Variants in ABTB2 observed in about 807,000 individuals in gnomAD.
ABTB2 encodes the protein ankyrin repeat and BTB/POZ domain-containing protein 2.
A neutral mutation model predicts 104.1 loss-of-function variants in ABTB2; 56 were observed. The ratio of observed to expected loss-of-function variants is 0.54; its 90% CI spans 0.43 to 0.67. ABTB2 has a LOEUF of 0.67. ABTB2 is among the 30% of genes least tolerant of loss of function. ABTB2 has a pLI of 0.00. For missense variants in ABTB2, 1,279 were observed against 1,407.7 expected (o/e 0.91, Z 1.46); for synonymous variants, 606 against 608.2 (o/e 1.00, Z 0.05).
chr11:34,236,331 G>C (rs1453638996), intron 1 of ABTB2, among the ~76,000 whole-genome samples: 2 of 152,140 alleles, frequency 1.3e-5, no homozygotes, highest in South Asian at 2.1e-4. Flanking sequence ...TTGTAGAAGG[G>C]TAGAGAATTC....
At chr11:34,194,297 A>G (rs2133034248) in intron 3 of ABTB2, among the ~76,000 whole-genome samples, 1 of 152,334 alleles carries the variant, frequency 6.6e-6, no homozygotes, top group East Asian at 1.9e-4. Context: ...GACAGTCTCT[A>G]CAGCCAGACA....
At chr11:34,296,476 T>TA (rs1305525871) in intron 1 of ABTB2, among the ~76,000 whole-genome samples, 1 of 152,132 alleles carries the variant, frequency 6.6e-6, no homozygotes, top group Non-Finnish European at 1.5e-5. Flanking sequence ...TTACTGGTCA[T>TA]AAGGCCCAAG....
chr11:34,232,176 T>C (rs1290707336), intron 1 of ABTB2, among the ~76,000 whole-genome samples: 1 of 152,116 alleles, frequency 6.6e-6, no homozygotes, highest in East Asian at 1.9e-4. Flanking sequence ...ATGCTGGGAG[T>C]GGTGGCTCAT....
intron 1 of ABTB2, among the ~76,000 whole-genome samples, chr11:34,325,827 C>T (rs746700115): frequency 2.0e-5 from 3 of 151,666 alleles, no homozygotes; most frequent in Non-Finnish European, 4.4e-5. Context: ...GGCACATGCC[C>T]GTAATCCCAG....
At chr11:34,320,721 A>G (rs111697993) in intron 1 of ABTB2, among the ~76,000 whole-genome samples, 7 of 152,262 alleles carry the variant, frequency 4.6e-5, no homozygotes, top group African/African-American at 1.7e-4. Context: ...AACATACCAG[A>G]CTAACTTTAT....
rs76005359 is a variant in ABTB2 at position 34,324,511 on chromosome 11, C to T, written c.883+32190G>A. ...GTCATGCTGTTAAAAAAACAGGTGCCAGTTAGACTGAGCTACCCCTCCAAC... is the reference window on the plus strand; with the variant it reads ...GTCATGCTGTTAAAAAAACAGGTGCTAGTTAGACTGAGCTACCCCTCCAAC... On this transcript the variant is annotated intron_variant, in intron 1 of 16. Transcript: ENST00000435224. Among the ~76,000 whole-genome samples, 33 of 152,300 alleles carry T rather than the reference C, an allele frequency of 2.2e-4. No individual in the cohort carries two copies. The East Asian group carries it at 6.0e-3, about 28-fold the overall frequency.
intron 10 of ABTB2, 102 bp downstream of exon 10, chr11:34,162,474 G>T: frequency 1.6e-6 from 2 of 1,281,726 alleles, no homozygotes; most frequent in Non-Finnish European, 1.1e-6. Context: ...GTCTGTCCCT[G>T]CAGGCCCTGG....
chr11:34,152,642 C>G (rs1852561524), intron 16 of ABTB2, 58 bp from the exon 17 acceptor site: 2 of 1,509,216 alleles, frequency 1.3e-6, no homozygotes, highest in African/African-American at 1.4e-5. Context: ...CCCACTCACC[C>G]TCACCCCCAA....
chr11:34,274,989 C>A (rs1011914583), intron 1 of ABTB2, among the ~76,000 whole-genome samples: 2 of 152,166 alleles, frequency 1.3e-5, no homozygotes, highest in African/African-American at 4.8e-5. Flanking sequence ...GGCCTGAATC[C>A]TGGCCTCTGA....
intron 1 of ABTB2, among the ~76,000 whole-genome samples, chr11:34,323,296 A>C (rs1855028223): frequency 6.6e-6 from 1 of 152,226 alleles, no homozygotes; most frequent in African/African-American, 2.4e-5. Context: ...AAGTACAGCC[A>C]AAAAAGGGAG....
chr11:34,187,251 C>T (rs80147723), intron 3 of ABTB2, among the ~76,000 whole-genome samples: 10,333 of 152,260 alleles, frequency 0.068, 452 homozygotes, highest in Non-Finnish European at 0.1. Context: ...CTTCAGCAGC[C>T]GCAGTCCATT....
intron 11 of ABTB2, 111 bp downstream of exon 11, chr11:34,160,792 G>T: frequency 8.3e-7 from 1 of 1,211,678 alleles, no homozygotes; most frequent in South Asian, 1.4e-5. Context: ...TGTGTGCGTT[G>T]GGTGAGGGGG....
intron 6 of ABTB2, 141 bp from the exon 7 acceptor site, chr11:34,167,501 C>T: frequency 2.7e-6 from 2 of 752,984 alleles, no homozygotes. Flanking sequence ...GGACAAGGCT[C>T]AAAAAGAGAG....
intron 1 of ABTB2, among the ~76,000 whole-genome samples, chr11:34,214,139 A>AAAAC (rs112616498): frequency 5.0e-5 from 7 of 139,172 alleles, no homozygotes; most frequent in African/African-American, 2.0e-4. Flanking sequence ...GCACATTCAA[A>AAAAC]ACACACACAC....
chr11:34,235,018 T>C (rs1019607337), intron 1 of ABTB2, among the ~76,000 whole-genome samples: 5 of 152,108 alleles, frequency 3.3e-5, no homozygotes, highest in Non-Finnish European at 7.4e-5. Context: ...CCACGGCGCC[T>C]GGCTAATTTT....
Position 34,164,736 on chromosome 11 carries a change from G to T in ABTB2, c.1938C>A (p.Ser646=). The stretch of plus-strand genomic sequence containing the variant: ...TGAAGCAGTTCATGTCCTCGTGGAG[G>T]GAGGAGCCCATGCCGTGGGCCTCCA... ...SMLEAHGMGS[S]LHEDMNCFSH... The change falls in exon 9 of 17, where the codon TCC becomes TCA. Residue 646 remains serine (S), a synonymous_variant. Coordinates refer to ENST00000435224, the MANE Select transcript of ABTB2 (RefSeq NM_145804.3). The T allele has an allele frequency of 6.4e-7, 1 of 1,554,404 alleles. No individual in the cohort carries two copies.
intron 1 of ABTB2, among the ~76,000 whole-genome samples, chr11:34,267,695 C>T (rs1042915961): frequency 1.1e-4 from 16 of 152,280 alleles, no homozygotes; most frequent in African/African-American, 3.9e-4. Context: ...TACACAAGGA[C>T]TTGGCCAACC....
intron 1 of ABTB2, among the ~76,000 whole-genome samples, chr11:34,286,141 C>T (rs12283822): frequency 0.04 from 6,038 of 149,768 alleles, 413 homozygotes; most frequent in African/African-American, 0.14. Context: ...AAGACCCTGT[C>T]TCAAAAAAAA....
At chr11:34,328,520 C>T (rs1432614607) in intron 1 of ABTB2, among the ~76,000 whole-genome samples, 11 of 152,160 alleles carry the variant, frequency 7.2e-5, no homozygotes, top group African/African-American at 1.7e-4. Context: ...AATGAGACAA[C>T]GTATGCAAAA....
Sources: allele counts gnomAD v4.1 joint callset (sites outside exome capture counted in the v4.1 genomes callset), GRCh38; gene constraint gnomAD v4.1.1; transcripts MANE v1.5; gene names NCBI Gene and HGNC (gene_info 2026-07-23, HGNC 2026-07-21).